The following RNF228 variants were observed in gnomAD, a reference collection of about 807,000 sequenced individuals.
RNF228 encodes ring finger protein 228.
chr2:222,314,159 C>G, the RNF228 span, among the ~76,000 whole-genome samples: 2 of 151,458 alleles, frequency 1.3e-5, no homozygotes, highest in African/African-American at 4.8e-5. Context: ...ATTCTTACTT[C>G]TCCAAGTATA....
At chr2:222,319,288 C>A in the RNF228 span, 1 of 343,252 alleles carries the variant, frequency 2.9e-6, no homozygotes, top group Non-Finnish European at 5.3e-6. The surrounding 1 kb of genome is among the most constrained non-coding windows in gnomAD (Gnocchi z 7.6). Context: ...CCCCCGCCGC[C>A]GTAGTGGTTG....
At chr2:222,314,804 A>G in the RNF228 span, among the ~76,000 whole-genome samples, 145 of 152,374 alleles carry the variant, frequency 9.5e-4, no homozygotes, top group Middle Eastern at 6.8e-3. Context: ...GGAGTAACAA[A>G]TAGTAAGAAA....
the RNF228 span, among the ~76,000 whole-genome samples, chr2:222,315,627 C>T: frequency 6.6e-6 from 1 of 152,068 alleles, no homozygotes; most frequent in Admixed American, 6.6e-5. Flanking sequence ...TACTCCCCAC[C>T]CCTAATTTTA....
chr2:222,315,533 C>T, the RNF228 span, among the ~76,000 whole-genome samples: 2 of 152,122 alleles, frequency 1.3e-5, no homozygotes, highest in Non-Finnish European at 2.9e-5. Flanking sequence ...CCATATAGGG[C>T]TTTAGTTTCC....
At chr2:222,320,055 G>T in the RNF228 span, among the ~76,000 whole-genome samples, 4 of 152,124 alleles carry the variant, frequency 2.6e-5, no homozygotes, top group Non-Finnish European at 5.9e-5. Flanking sequence ...GTCGCTCGCC[G>T]GCGCTGCCAT....
At chr2:222,316,324 T>A in the RNF228 span, among the ~76,000 whole-genome samples, 1 of 152,320 alleles carries the variant, frequency 6.6e-6, no homozygotes, top group South Asian at 2.1e-4. Context: ...TAAAGCATGG[T>A]AAGCCACAGA....
the RNF228 span, among the ~76,000 whole-genome samples, chr2:222,315,052 C>G: frequency 6.6e-6 from 1 of 150,600 alleles, no homozygotes; most frequent in African/African-American, 2.4e-5. Context: ...TAATTTTTCT[C>G]AAAACTCAAA....
the RNF228 span, chr2:222,318,781 C>CT: frequency 6.6e-6 from 1 of 150,994 alleles, no homozygotes; most frequent in Non-Finnish European, 1.5e-5. Flanking sequence ...ACCCCCCCCC[C>CT]CCACCAACAT....
the RNF228 span, among the ~76,000 whole-genome samples, chr2:222,319,722 G>T: frequency 2.7e-5 from 4 of 145,862 alleles, no homozygotes; most frequent in Non-Finnish European, 4.6e-5. The surrounding 1 kb of genome is among the most constrained non-coding windows in gnomAD (Gnocchi z 7.6). Flanking sequence ...GGCGCCGGGC[G>T]GGCAGAGCCA....
the RNF228 span, chr2:222,317,365 G>A: frequency 5.0e-4 from 76 of 152,264 alleles, 1 homozygote; most frequent in Non-Finnish European, 8.7e-4. Context: ...TCACTCCTAT[G>A]ATAGATACAA....
chr2:222,315,091 T>TG, the RNF228 span, among the ~76,000 whole-genome samples: 1 of 151,662 alleles, frequency 6.6e-6, no homozygotes, highest in Non-Finnish European at 1.5e-5. Context: ...TTTTTTTTTT[T>TG]GCCTTTCAAA....
the RNF228 span, chr2:222,319,412 G>C: frequency 3.8e-6 from 1 of 262,036 alleles, no homozygotes; most frequent in Non-Finnish European, 7.2e-6. The surrounding 1 kb of genome is among the most constrained non-coding windows in gnomAD (Gnocchi z 7.6). Flanking sequence ...TGTCGTAGGC[G>C]CCCGGGGCGC....
chr2:222,314,634 T>C, the RNF228 span, among the ~76,000 whole-genome samples: 7 of 152,200 alleles, frequency 4.6e-5, no homozygotes, highest in Non-Finnish European at 8.8e-5. Context: ...AATTAAATGA[T>C]TAAAGAGGGT....
chr2:222,318,771 A>ACCCCCCCCCCCCCCCC, the RNF228 span: 4 of 102,348 alleles, frequency 3.9e-5, no homozygotes, highest in Admixed American at 9.8e-5. Flanking sequence ...GGCAAAAGAG[A>ACCCCCCCCCCCCCCCC]CCCCCCCCCC....
the RNF228 span, among the ~76,000 whole-genome samples, chr2:222,315,286 T>G: frequency 6.6e-6 from 1 of 152,172 alleles, no homozygotes; most frequent in Admixed American, 6.5e-5. Context: ...GCTTTGCAGA[T>G]CAAATGGATG....
the RNF228 span, chr2:222,317,532 A>G: frequency 6.6e-6 from 1 of 152,212 alleles, no homozygotes; most frequent in Non-Finnish European, 1.5e-5. Context: ...TGGAATAAAG[A>G]ATGTTTTCAT....
the RNF228 span, among the ~76,000 whole-genome samples, chr2:222,315,261 C>T: frequency 2.6e-5 from 4 of 152,070 alleles, no homozygotes; most frequent in African/African-American, 4.8e-5. Context: ...CACTATGTGC[C>T]CAGAACTGGT....
the RNF228 span, among the ~76,000 whole-genome samples, chr2:222,320,084 TC>T: frequency 2.6e-5 from 4 of 151,912 alleles, no homozygotes; most frequent in African/African-American, 9.7e-5. Flanking sequence ...CCGCCCCTCA[TC>T]GGGGGCAAGG....
the RNF228 span, chr2:222,317,767 T>C: frequency 4.6e-5 from 7 of 152,220 alleles, no homozygotes; most frequent in African/African-American, 1.7e-4. Context: ...ATATATCTTT[T>C]GTAGCCAAAG....
Sources: allele counts gnomAD v4.1 joint callset (sites outside exome capture counted in the v4.1 genomes callset), GRCh38; gene constraint gnomAD v4.1.1; non-coding constraint Gnocchi (gnomAD v3.1); transcripts MANE v1.5; gene names NCBI Gene and HGNC (gene_info 2026-07-23, HGNC 2026-07-21).